SPINK2: variants seen among roughly 807,000 people sequenced by gnomAD.
The protein encoded by SPINK2 is serine peptidase inhibitor Kazal type 2, also known as serine protease inhibitor Kazal-type 2.
Under a neutral mutation model 13.5 loss-of-function variants are expected in SPINK2, and 8 were observed. The ratio of observed to expected loss-of-function variants is 0.59; its 90% CI spans 0.35 to 1.07. SPINK2 has a LOEUF of 1.07. SPINK2 is among the 50% of genes least tolerant of loss of function. SPINK2 has a pLI of 0.02. For missense variants in SPINK2, 148 were observed against 180.3 expected, an observed-to-expected ratio of 0.82 and a Z score of 1.03; for synonymous variants, 76 against 74.7, an observed-to-expected ratio of 1.02 and a Z score of -0.09.
intron 2 of SPINK2, among the ~76,000 whole-genome samples, chr4:56,820,312 G>T (rs1025670098): frequency 6.6e-6 from 1 of 152,142 alleles, no homozygotes; most frequent in East Asian, 1.9e-4. Context: ...TTTTTCTAAG[G>T]ACCTTTTGAA....
In SPINK2 at chr4:56,815,471, A is replaced by G. The variant is rs142186954; in HGVS notation, c.250-3677T>C. Reference sequence around the variant, plus strand: ...TCCCAACACTTTTGGAGGCCAAGGCAGGCAGATCACTTGAGGCCAGGAGTT... The same window carrying G: ...TCCCAACACTTTTGGAGGCCAAGGCGGGCAGATCACTTGAGGCCAGGAGTT... On this transcript the variant is annotated intron_variant, in intron 2 of 3. Coordinates refer to ENST00000506738, the MANE Select transcript of SPINK2 (RefSeq NM_001271718.2). 6.7e-3 allele frequency among the ~76,000 whole-genome samples: 1,019 copies of G among 152,260 alleles called. 15 individuals carry two copies. Among genetic ancestry groups the G allele is most frequent in the African/African-American group, 0.022 (933 of 41,560 alleles).
chr4:56,817,513 G>A lies in SPINK2; in HGVS notation c.249+3023C>T, dbSNP rs143880116. ...AAACAGTCTTGACTAAGAAAAAAAA[G>A]GTTGGAGGATTCACATTTCCTCATT... is the stretch of plus-strand genomic sequence containing the variant. On this transcript the variant is annotated intron_variant, in intron 2 of 3. Transcript: ENST00000506738. 6.7e-3 allele frequency among the ~76,000 whole-genome samples: 1,015 copies of A among 152,220 alleles called. 15 individuals are homozygous for A. Among genetic ancestry groups the A allele is most frequent in the African/African-American group, 0.022 (930 of 41,546 alleles).
intron 2 of SPINK2, chr4:56,816,634 A>T (rs1435542902): frequency 6.6e-6 from 1 of 151,586 alleles, no homozygotes; most frequent in Non-Finnish European, 1.5e-5. Flanking sequence ...CCTGGGTGAC[A>T]GAGTAAGACT....
At chr4:56,821,847 A>G, upstream of SPINK2, 1 of 598,700 alleles carries the variant, frequency 1.7e-6, no homozygotes, top group Non-Finnish European at 2.6e-6. Context: ...AGGAGCCGTG[A>G]AGGGTCGGGG....
chr4:56,813,033 A>G (rs1002929398), intron 2 of SPINK2, among the ~76,000 whole-genome samples: 2 of 152,156 alleles, frequency 1.3e-5, no homozygotes, highest in Admixed American at 6.6e-5. Context: ...TTTAATTCTC[A>G]TAGAAGAGCG....
rs1716851430 is a variant in SPINK2 at position 56,810,072 on chromosome 4, G to A, written c.*67C>T. ...GAAACACAGGAAAAGAGAAAAAGGG[G>A]AAATGCAATTTATCTAGTCTGCCAG... is the stretch of plus-strand genomic sequence containing the variant. On this transcript the variant is annotated 3_prime_UTR_variant, in exon 4 of 4. Coordinates refer to ENST00000506738, the MANE Select transcript of SPINK2 (RefSeq NM_001271718.2). 6.5e-7 allele frequency: 1 copy of A among 1,546,062 alleles called. No individual in the cohort carries two copies. Among genetic ancestry groups the A allele is most frequent in the Non-Finnish European group, 8.7e-7 (1 of 1,147,486 alleles).
chr4:56,811,592 G>A lies in SPINK2; in HGVS notation c.359+93C>T, dbSNP rs573586636. On this transcript the variant is annotated intron_variant, in intron 3 of 3. Coordinates refer to ENST00000506738, the MANE Select transcript of SPINK2 (RefSeq NM_001271718.2). The stretch of plus-strand genomic sequence containing the variant: ...AGATTGCACCACTGCACTCCAGCCT[G>A]GGTGACAGAGTGAGACTCTGTCAAA... 3 of 745,100 alleles carry A rather than the reference G, an allele frequency of 4.0e-6. No individual in the cohort carries two copies. The South Asian group carries it at 5.4e-5, about 13-fold the overall frequency. The allele number at this position is 745,100 out of a possible 1,614,324, so 46.2% of individuals were successfully genotyped here.
intron 2 of SPINK2, among the ~76,000 whole-genome samples, chr4:56,814,797 T>G (rs1026601807): frequency 4.6e-5 from 7 of 151,530 alleles, no homozygotes; most frequent in African/African-American, 1.7e-4. Context: ...CCGCCTCTAC[T>G]AAAAATACAA....
intron 2 of SPINK2, among the ~76,000 whole-genome samples, chr4:56,818,621 C>G (rs1436057916): frequency 6.6e-6 from 1 of 152,080 alleles, no homozygotes; most frequent in African/African-American, 2.4e-5. Flanking sequence ...GAGATCTCGC[C>G]ACTGCACTCC....
chr4:56,819,495 A>G (rs1717746744), intron 2 of SPINK2, among the ~76,000 whole-genome samples: 1 of 152,218 alleles, frequency 6.6e-6, no homozygotes, highest in Non-Finnish European at 1.5e-5. Context: ...CCAGGCCAGG[A>G]GGCCAGCCGG....
chr4:56,811,961 CAG>C (rs1247871533), intron 2 of SPINK2, among the ~76,000 whole-genome samples, 167 bp from the exon 3 acceptor site: 1 of 120,118 alleles, frequency 8.3e-6, no homozygotes, highest in Non-Finnish European at 1.6e-5. Flanking sequence ...TTTTTTGAGA[CAG>C]AGTCTCGCCC....
rs1158444519 is a variant in SPINK2 at position 56,821,474 on chromosome 4, G to T, written c.189C>A (p.Ser63=). 2 of 1,529,352 alleles carry T rather than the reference G, an allele frequency of 1.3e-6. No homozygotes were observed. The highest frequency in any genetic ancestry group is 1.7e-6 in the Non-Finnish European group (2 of 1,142,902). 94.7% of individuals were successfully genotyped at this position (1,529,352 alleles called of 1,614,324 possible). A position where few individuals can be genotyped will look rare whatever the true frequency, so the allele number is the denominator to read the frequency against. ...TTCCTCCACCTGGCAGGTCCTCTGG[G>T]GAACCGCCAGTAACGGGCGCGCGGG... ...DGTRAPVTGG[S]PEDLPASLIP... is the part of the protein sequence containing the mutation. Residue 63 remains serine, a synonymous_variant, in exon 1 of 4, where the codon TCC becomes TCA. Coordinates refer to ENST00000506738, the MANE Select transcript of SPINK2 (RefSeq NM_001271718.2).
chr4:56,814,803 T>C (rs937984038), intron 2 of SPINK2, among the ~76,000 whole-genome samples: 4 of 151,090 alleles, frequency 2.6e-5, no homozygotes. Flanking sequence ...CTACTAAAAA[T>C]ACAAAAAATT....
chr4:56,809,929 C>T lies in SPINK2; in HGVS notation c.*210G>A. The T allele has an allele frequency of 7.3e-7, 1 of 1,376,546 alleles. No individual in the cohort carries two copies. The highest frequency in any genetic ancestry group is 1.6e-5 in the South Asian group (1 of 64,256). 85.3% of individuals were successfully genotyped at this position (1,376,546 alleles called of 1,614,324 possible). ...CAAGTCACCTGGGCAGTAAGCTTAA[C>T]TCCAGGAGCAAAAGCCAAGAAACAA... On this transcript the variant is annotated 3_prime_UTR_variant, in exon 4 of 4. Coordinates refer to ENST00000506738, the MANE Select transcript of SPINK2 (RefSeq NM_001271718.2).
At chr4:56,820,641 G>GTTTTTT in intron 1 of SPINK2, 62 bp from the exon 2 acceptor site, 1 of 1,075,734 alleles carries the variant, frequency 9.3e-7, no homozygotes, top group Non-Finnish European at 1.3e-6. Flanking sequence ...TGTTCATGAA[G>GTTTTTT]TTTTTTTTTT....
intron 3 of SPINK2, among the ~76,000 whole-genome samples, chr4:56,810,935 T>G (rs1716926750): frequency 6.6e-6 from 1 of 152,128 alleles, no homozygotes; most frequent in Non-Finnish European, 1.5e-5. Context: ...GTGTGCTACA[T>G]GAAGCATATC....
chr4:56,821,793 G>A, upstream of SPINK2: 1 of 991,716 alleles, frequency 1.0e-6, no homozygotes, highest in African/African-American at 2.4e-5. Context: ...AGCAGCGGTA[G>A]GTGGCGAGGG....
chr4:56,815,389 A>C (rs1276372645), intron 2 of SPINK2, among the ~76,000 whole-genome samples: 1 of 152,114 alleles, frequency 6.6e-6, no homozygotes, highest in Non-Finnish European at 1.5e-5. Flanking sequence ...CCTAGATTGG[A>C]AAGGAAGAAG....
intron 3 of SPINK2, among the ~76,000 whole-genome samples, chr4:56,811,090 A>G (rs1265674639): frequency 1.3e-5 from 2 of 152,224 alleles, no homozygotes; most frequent in Admixed American, 6.5e-5. Context: ...GAGTTTAACT[A>G]TTAAATAGAC....
Sources: allele counts gnomAD v4.1 joint callset (sites outside exome capture counted in the v4.1 genomes callset), GRCh38; gene constraint gnomAD v4.1.1; transcripts MANE v1.5; gene names NCBI Gene and HGNC (gene_info 2026-07-23, HGNC 2026-07-21).